The following TENM2 variants were observed in gnomAD, a reference collection of about 807,000 sequenced individuals.
TENM2 encodes teneurin transmembrane protein 2, also known as teneurin-2.
TENM2 carries 52 observed loss-of-function variants against 245.2 expected under a neutral mutation model. The observed-to-expected ratio is 0.21, with a 90% CI of 0.17 to 0.27. The LOEUF (loss-of-function observed/expected upper bound fraction) is 0.27. Ranked by LOEUF, TENM2 falls within the 10% of genes least tolerant of loss-of-function variation. The probability of loss-of-function intolerance (pLI) is 1.00; values close to 1 mark genes in which losing one functional copy is unlikely to be tolerated. For missense variants in TENM2, 3,046 were observed against 3,666.8 expected (o/e 0.83, Z 4.37); for synonymous variants, 1,363 against 1,438.9 (o/e 0.95, Z 1.19).
chr5:167,648,262 C>T (rs762941723), intron 2 of TENM2, among the ~76,000 whole-genome samples: 32 of 152,210 alleles, frequency 2.1e-4, no homozygotes, highest in Non-Finnish European at 4.1e-4. Context: ...GGGTGTTTAT[C>T]ATTATGCAAA....
rs1189566424 is a variant in TENM2, at chr5:168,126,967, G to A, written c.2422+1G>A. ...AGGCAAACGGCAGGCACCGAAACAG[G>A]CACATATTGCTTTATTTTCATAAAT... On this transcript the variant is annotated splice_donor_variant, in intron 12 of 28. Transcript: ENST00000518659. LOFTEE classifies it high-confidence loss of function. 6.3e-7 allele frequency: 1 copy of A among 1,597,900 alleles called. No individual in the cohort carries two copies. Among genetic ancestry groups the A allele is most frequent in the Non-Finnish European group, 8.5e-7 (1 of 1,172,352 alleles).
intron 2 of TENM2, among the ~76,000 whole-genome samples, chr5:167,385,893 TGTGTG>T (rs1761406353): frequency 6.6e-6 from 1 of 151,432 alleles, no homozygotes; most frequent in Non-Finnish European, 1.5e-5. Flanking sequence ...TGTGTGTGTG[TGTGTG>T]TGTTACAGTT....
intron 2 of TENM2, among the ~76,000 whole-genome samples, chr5:167,815,589 G>A (rs1766984090): frequency 6.6e-6 from 1 of 152,130 alleles, no homozygotes; most frequent in Non-Finnish European, 1.5e-5. Flanking sequence ...CTGGGGAATG[G>A]CTTCTCCTAT....
At chr5:167,498,864 C>T (rs906612409) in intron 2 of TENM2, among the ~76,000 whole-genome samples, 2 of 151,962 alleles carry the variant, frequency 1.3e-5, no homozygotes, top group Non-Finnish European at 2.9e-5. Flanking sequence ...GAGATGATGA[C>T]GATATTCTCT....
At chr5:167,541,628 A>C (rs1278017214) in intron 2 of TENM2, among the ~76,000 whole-genome samples, 1 of 152,134 alleles carries the variant, frequency 6.6e-6, no homozygotes, top group South Asian at 2.1e-4. Flanking sequence ...ATTTGGTCAT[A>C]ATTCAAATTG....
intron 7 of TENM2, among the ~76,000 whole-genome samples, chr5:168,084,920 A>G (rs982968294): frequency 6.6e-6 from 1 of 152,176 alleles, no homozygotes; most frequent in Non-Finnish European, 1.5e-5. Context: ...TTATCCGCTC[A>G]GTGGCATTGT....
At chr5:167,702,664 T>A (rs6898027) in intron 2 of TENM2, among the ~76,000 whole-genome samples, 12,745 of 151,454 alleles carry the variant, frequency 0.084, 693 homozygotes, top group African/African-American at 0.15. Flanking sequence ...GTTTTTATTG[T>A]TTGTTTTGTT....
intron 2 of TENM2, among the ~76,000 whole-genome samples, chr5:167,517,042 C>T (rs756345066): frequency 5.9e-5 from 9 of 152,166 alleles, no homozygotes; most frequent in East Asian, 5.8e-4. Context: ...AAAATGTGTA[C>T]GAGAAAGTGC....
At chr5:167,228,765 C>T in the TENM2 span, among the ~76,000 whole-genome samples, 1,627 of 151,234 alleles carry the variant, frequency 0.011, 30 homozygotes, top group African/African-American at 0.037. Context: ...AGTTCAGTGG[C>T]GCAATCTCGG....
the TENM2 span, among the ~76,000 whole-genome samples, chr5:167,041,410 C>T: frequency 3.3e-5 from 5 of 152,306 alleles, no homozygotes; most frequent in Non-Finnish European, 7.3e-5. Context: ...TTCTGCTACT[C>T]TCCTCTGGAC....
intron 1 of TENM2, among the ~76,000 whole-genome samples, chr5:167,298,332 G>T (rs568588547): frequency 6.6e-6 from 1 of 152,212 alleles, no homozygotes; most frequent in Non-Finnish European, 1.5e-5. Flanking sequence ...GGCCGGGTGC[G>T]GTGGCTCACG....
chr5:168,185,603 G>A (rs1760314852), intron 13 of TENM2, among the ~76,000 whole-genome samples: 1 of 151,644 alleles, frequency 6.6e-6, no homozygotes, highest in Admixed American at 6.6e-5. Context: ...TGACATTTAA[G>A]AGTTACATTA....
intron 13 of TENM2, among the ~76,000 whole-genome samples, chr5:168,169,479 A>T (rs1260128962): frequency 6.6e-6 from 1 of 152,188 alleles, no homozygotes; most frequent in East Asian, 1.9e-4. Flanking sequence ...GAGAAATAAC[A>T]CTGGAGTCTG....
At chr5:167,573,990 G>C (rs530330878) in intron 2 of TENM2, 1 of 152,236 alleles carries the variant, frequency 6.6e-6, no homozygotes, top group African/African-American at 2.4e-5. Context: ...GATGCTGCAC[G>C]CTGCTAACAA....
At chr5:167,649,703 T>G (rs1754314419) in intron 2 of TENM2, among the ~76,000 whole-genome samples, 1 of 152,170 alleles carries the variant, frequency 6.6e-6, no homozygotes. Flanking sequence ...CATTAGTTAC[T>G]CAGACTGTCA....
chr5:167,940,085 A>C (rs2151761461), intron 3 of TENM2, among the ~76,000 whole-genome samples: 1 of 152,232 alleles, frequency 6.6e-6, no homozygotes, highest in East Asian at 1.9e-4. Flanking sequence ...AGTTTGCATG[A>C]GATAGAGCTG....
chr5:167,227,083 A>G, the TENM2 span, among the ~76,000 whole-genome samples: 2 of 152,020 alleles, frequency 1.3e-5, no homozygotes, highest in African/African-American at 4.8e-5. Context: ...CTGTGAGTGC[A>G]TTTCTTGTAG....
intron 4 of TENM2, among the ~76,000 whole-genome samples, chr5:167,990,355 T>G (rs1029405268): frequency 6.6e-6 from 1 of 152,206 alleles, no homozygotes; most frequent in Non-Finnish European, 1.5e-5. Flanking sequence ...TAAAAGCTAC[T>G]CACATGGGCT....
chr5:167,035,846 G>A, the TENM2 span, among the ~76,000 whole-genome samples: 6 of 152,124 alleles, frequency 3.9e-5, no homozygotes, highest in South Asian at 8.3e-4. Flanking sequence ...GGGTTCAAGC[G>A]AGTCTCGTGC....
Sources: gnomAD v4.1 joint callset for allele counts (sites outside exome capture counted in the v4.1 genomes callset) on GRCh38, gnomAD v4.1.1 for gene constraint, MANE v1.5 for transcripts, NCBI Gene and HGNC (gene_info 2026-07-23, HGNC 2026-07-21) for gene names.